The following RARB variants were observed in gnomAD, a reference collection of about 807,000 sequenced individuals.
The protein encoded by RARB is HBV-activated protein.
In RARB, 17 loss-of-function variants were observed where a neutral mutation model predicts 51.9. The ratio of observed to expected loss-of-function variants is 0.33; its 90% confidence interval spans 0.22 to 0.49. RARB has a LOEUF of 0.49. RARB is among the 20% of genes least tolerant of loss of function. RARB has a pLI of 0.99. For synonymous variants in RARB, 215 were observed against 195.4 expected (o/e 1.10, Z -0.84); for missense variants, 369 against 550.8 (o/e 0.67, Z 3.30).
intron 1 of RARB, among the ~76,000 whole-genome samples, chr3:24,851,106 A>G (rs1020140455): frequency 1.3e-5 from 2 of 152,180 alleles, no homozygotes; most frequent in African/African-American, 4.8e-5. Flanking sequence ...AGATGAAGAC[A>G]TATTGGAGAC....
chr3:24,919,244 T>C (rs1695167551), intron 2 of RARB, among the ~76,000 whole-genome samples: 6 of 152,234 alleles, frequency 3.9e-5, no homozygotes. Context: ...GTTCTTAACC[T>C]TCTATGACTG....
At chr3:25,492,335 C>T (rs1467061696) in intron 2 of RARB, among the ~76,000 whole-genome samples, 1 of 152,186 alleles carries the variant, frequency 6.6e-6, no homozygotes, top group African/African-American at 2.4e-5. Flanking sequence ...TCTCTCCTTA[C>T]TATTGGTTTC....
intron 2 of RARB, among the ~76,000 whole-genome samples, chr3:24,952,811 A>G (rs116500783): frequency 0.011 from 1,743 of 152,054 alleles, 38 homozygotes; most frequent in African/African-American, 0.039. Flanking sequence ...TAAATTGTCT[A>G]TGTAACTCAT....
rs1041030570 is a variant in RARB at position 25,492,622 on chromosome 3, C to T, written c.307-8560C>T. 3.3e-5 allele frequency among the ~76,000 whole-genome samples: 5 copies of T among 152,176 alleles called. No individual in the cohort carries two copies. The South Asian group carries it at 8.3e-4, about 25-fold the overall frequency. On this transcript the variant is annotated intron_variant, in intron 2 of 7. Coordinates refer to ENST00000330688, the MANE Select transcript of RARB (RefSeq NM_000965.5). Reference sequence around the variant, plus strand: ...CAGAGGTTCAGCTCTCAAGGATTCACCTGACAAAATCCAGGAAAATGCTGT... The same window carrying T: ...CAGAGGTTCAGCTCTCAAGGATTCATCTGACAAAATCCAGGAAAATGCTGT...
At chr3:24,879,957 G>A (rs987068031) in intron 2 of RARB, among the ~76,000 whole-genome samples, 3 of 151,188 alleles carry the variant, frequency 2.0e-5, no homozygotes, top group Non-Finnish European at 2.9e-5. Context: ...TTTGTGTTAC[G>A]CCTCTGTCCT....
chr3:24,905,091 A>G (rs1383736557), intron 2 of RARB, among the ~76,000 whole-genome samples: 1 of 152,190 alleles, frequency 6.6e-6, no homozygotes, highest in African/African-American at 2.4e-5. Flanking sequence ...CCTATGTAAC[A>G]AACCTGCACG....
chr3:25,445,730 G>A (rs753788005), intron 1 of RARB, among the ~76,000 whole-genome samples: 2 of 152,086 alleles, frequency 1.3e-5, no homozygotes. Flanking sequence ...CACAGTGAGA[G>A]TTATTATTTA....
chr3:25,147,267 C>G (rs1700208627), intron 4 of RARB, among the ~76,000 whole-genome samples: 1 of 152,078 alleles, frequency 6.6e-6, no homozygotes, highest in African/African-American at 2.4e-5. Context: ...CTTCCCCATC[C>G]TCTCCTTGAA....
chr3:24,985,550 G>A (rs535544387), intron 2 of RARB, among the ~76,000 whole-genome samples: 2 of 152,206 alleles, frequency 1.3e-5, no homozygotes, highest in South Asian at 2.1e-4. Context: ...TTTAAAGGAG[G>A]ATCATGATTC....
chr3:25,568,493 A>G (rs1464591550), intron 3 of RARB, among the ~76,000 whole-genome samples: 1 of 151,262 alleles, frequency 6.6e-6, no homozygotes, highest in Non-Finnish European at 1.5e-5. Context: ...AGTAGGACTC[A>G]CCTCCCTTTT....
chr3:24,902,376 T>G (rs1317007263), intron 2 of RARB, among the ~76,000 whole-genome samples: 1 of 152,172 alleles, frequency 6.6e-6, no homozygotes, highest in South Asian at 2.1e-4. Context: ...CAGAGTGATT[T>G]CACATCCATC....
chr3:24,978,815 G>T (rs1302701131), intron 2 of RARB, among the ~76,000 whole-genome samples: 1 of 151,148 alleles, frequency 6.6e-6, no homozygotes, highest in Non-Finnish European at 1.5e-5. Flanking sequence ...GTTTGCTCTT[G>T]CTTCTCTACT....
chr3:25,561,291 G>T (rs981122525), intron 3 of RARB, among the ~76,000 whole-genome samples: 1 of 152,136 alleles, frequency 6.6e-6, no homozygotes, highest in Non-Finnish European at 1.5e-5. Context: ...GCTGAATAGA[G>T]GGAACCATGT....
chr3:25,068,133 CAAAAAAAAAAAAAAAAAAAAAAAAAAA>C (rs55826425), intron 3 of RARB, among the ~76,000 whole-genome samples: 967 of 33,318 alleles, frequency 0.029, 33 homozygotes, highest in African/African-American at 0.095. Flanking sequence ...GACTCCATCT[CAAAAAAAAAAAAAAAAAAAAAAAAAAA>C]AAAAAAAAAA....
intron 3 of RARB, among the ~76,000 whole-genome samples, chr3:25,096,068 A>T (rs1225621925): frequency 6.6e-6 from 1 of 152,106 alleles, no homozygotes; most frequent in Non-Finnish European, 1.5e-5. Flanking sequence ...TGCCACAATT[A>T]TTTTTTTCAA....
At chr3:25,488,079 A>T (rs556246987) in intron 2 of RARB, among the ~76,000 whole-genome samples, 10 of 152,304 alleles carry the variant, frequency 6.6e-5, no homozygotes, top group African/African-American at 2.4e-4. Flanking sequence ...TGGCCCCACA[A>T]TTCCCCAAAG....
intron 5 of RARB, among the ~76,000 whole-genome samples, chr3:25,347,330 C>T (rs1266945850): frequency 2.0e-5 from 3 of 152,144 alleles, no homozygotes; most frequent in Non-Finnish European, 2.9e-5. Flanking sequence ...CCCTTCATGG[C>T]GGACTTGACC....
intron 5 of RARB, among the ~76,000 whole-genome samples, chr3:25,407,539 T>A (rs936059421): frequency 1.3e-5 from 2 of 152,198 alleles, no homozygotes; most frequent in African/African-American, 4.8e-5. Context: ...GAGCACACTA[T>A]CCCACCTGCT....
At chr3:24,986,882 C>T (rs963990963) in intron 2 of RARB, among the ~76,000 whole-genome samples, 8 of 152,126 alleles carry the variant, frequency 5.3e-5, no homozygotes, top group Non-Finnish European at 1.0e-4. Context: ...AGTTTTACCT[C>T]TCAGTGGGGT....
Sources: gnomAD v4.1 joint callset for allele counts (sites outside exome capture counted in the v4.1 genomes callset) on GRCh38, gnomAD v4.1.1 for gene constraint, MANE v1.5 for transcripts, NCBI Gene and HGNC (gene_info 2026-07-23, HGNC 2026-07-21) for gene names.